SMARCAL1: variants seen among roughly 807,000 people sequenced by gnomAD.
The protein encoded by SMARCAL1 is ATP-driven annealing helicase.
SMARCAL1 carries 58 observed loss-of-function variants against 94.5 expected under a neutral mutation model. The ratio of observed to expected loss-of-function variants is 0.61; its 90% CI spans 0.50 to 0.76. The LOEUF is 0.76. Ranked by LOEUF, SMARCAL1 falls within the 30% of genes least tolerant of loss-of-function variation. The pLI, the probability that SMARCAL1 is intolerant of heterozygous loss-of-function variation, is 0.00. For synonymous variants in SMARCAL1, 422 were observed against 455.1 expected (o/e 0.93, Z 0.93); for missense variants, 1,051 against 1,177.9 (o/e 0.89, Z 1.58).
chr2:216,475,345 C>T lies in SMARCAL1; in HGVS notation c.2321C>T (p.Ser774Leu), dbSNP rs149425324. 3.5e-5 allele frequency: 57 copies of T among 1,614,070 alleles called. No individual in the cohort carries two copies. The highest frequency in any genetic ancestry group is 4.3e-5 in the Non-Finnish European group (51 of 1,180,036). ...REDLCQQFQL[S>L]ERHAVAVLSI... is the part of the protein sequence containing the mutation. ...GACCTGTGCCAGCAGTTCCAACTGT[C>T]GGAGAGGCATGCTGTGGCCGTGCTG... Residue 774 changes from serine to leucine, a missense_variant, in exon 15 of 18, where the codon TCG becomes TTG. Transcript: ENST00000357276. The surrounding 1 kb of genome is among the most constrained non-coding windows in gnomAD (Gnocchi z 4.4).
intron 3 of SMARCAL1, among the ~76,000 whole-genome samples, chr2:216,415,768 G>C (rs1179069810): frequency 1.7e-4 from 26 of 152,136 alleles, no homozygotes; most frequent in Non-Finnish European, 1.5e-5. Flanking sequence ...TCCTCTGCCA[G>C]GTGCTTTATA....
Position 216,434,928 on chromosome 2 carries a change from G to A in SMARCAL1, c.1486-410G>A, listed in dbSNP as rs991095233. ...GGCCGGAGTGCAATGGCGCGATCTC[G>A]TCTCACCACAACCTCCACTTCCCGG... On this transcript the variant is annotated intron_variant, in intron 8 of 17. Coordinates refer to ENST00000357276, the MANE Select transcript of SMARCAL1 (RefSeq NM_014140.4). Among the ~76,000 whole-genome samples the A allele has an allele frequency of 6.9e-5, 10 of 144,876 alleles. 1 individual carries two copies. Among genetic ancestry groups the A allele is most frequent in the South Asian group, 6.4e-4 (3 of 4,666 alleles).
At chr2:216,421,359 G>A (rs1559123061) in intron 5 of SMARCAL1, among the ~76,000 whole-genome samples, 4 of 152,136 alleles carry the variant, frequency 2.6e-5, no homozygotes, top group African/African-American at 7.2e-5. Flanking sequence ...GTGCAGTGGC[G>A]CAATCTTGGC....
chr2:216,414,614 T>C (rs762151277), intron 2 of SMARCAL1, 33 bp from the exon 3 acceptor site: 175 of 1,090,324 alleles, frequency 1.6e-4, no homozygotes, highest in Non-Finnish European at 2.2e-4. Flanking sequence ...ATACATGTAA[T>C]GTTCATTTCA....
At chr2:216,441,905 T>TAA (rs1694205184) in intron 10 of SMARCAL1, among the ~76,000 whole-genome samples, 1 of 152,192 alleles carries the variant, frequency 6.6e-6, no homozygotes, top group Non-Finnish European at 1.5e-5. Flanking sequence ...TACACTGGCT[T>TAA]TTATTGTTAA....
chr2:216,456,743 C>A (rs1290670314), intron 12 of SMARCAL1, among the ~76,000 whole-genome samples: 1 of 152,172 alleles, frequency 6.6e-6, no homozygotes, highest in African/African-American at 2.4e-5. Flanking sequence ...CAAAAACATG[C>A]CAAATTGTAA....
intron 5 of SMARCAL1, among the ~76,000 whole-genome samples, chr2:216,422,373 TAAA>T (rs1008854602): frequency 2.0e-5 from 3 of 151,910 alleles, no homozygotes; most frequent in African/African-American, 7.3e-5. Flanking sequence ...ATCTCAAAAA[TAAA>T]AAAGGCAAAT....
rs544383701 is a variant in SMARCAL1, at chr2:216,432,577, C to T, written c.1335-141C>T. 1.8e-4 allele frequency: 172 copies of T among 935,986 alleles called. No homozygotes were observed. In the African/African-American group the frequency reaches 2.6e-3, roughly 14 times the overall value. 58.0% of individuals were successfully genotyped at this position (935,986 alleles called of 1,614,324 possible). On this transcript the variant is annotated intron_variant, in intron 7 of 17. Coordinates refer to ENST00000357276, the MANE Select transcript of SMARCAL1 (RefSeq NM_014140.4). ...CTATTTGGCCTATGTACCTTTCCTT[C>T]TGGGGAGCAAGTCTGGTGGTGGGCT...
At chr2:216,427,196 C>G (rs575276780) in intron 6 of SMARCAL1, 2 of 152,210 alleles carry the variant, frequency 1.3e-5, no homozygotes, top group African/African-American at 4.8e-5. Flanking sequence ...ACTCACGAAG[C>G]CGACAACACG....
intron 14 of SMARCAL1, among the ~76,000 whole-genome samples, chr2:216,469,279 CTTT>C (rs71054477): frequency 1.3e-3 from 136 of 102,958 alleles, no homozygotes; most frequent in African/African-American, 3.6e-3. Context: ...TTAGAGATTT[CTTT>C]TTTTTTTTTT....
chr2:216,475,352 G>A lies in SMARCAL1; in HGVS notation c.2328G>A (p.Arg776=). 6.2e-7 allele frequency: 1 copy of A among 1,614,212 alleles called. No individual in the cohort carries two copies. The highest frequency in any genetic ancestry group is 1.3e-5 in the African/African-American group (1 of 75,050). The change falls in exon 15 of 18, where the codon AGG becomes AGA. Residue 776 remains arginine (R), a synonymous_variant. Transcript: ENST00000357276. This position sits in a 1 kb window ranked among gnomAD's most constrained non-coding sequence, Gnocchi z 4.4. ...GCCAGCAGTTCCAACTGTCGGAGAG[G>A]CATGCTGTGGCCGTGCTGTCCATCA... ...DLCQQFQLSE[R]HAVAVLSITA...
At chr2:216,426,804 G>A (rs777920453) in intron 6 of SMARCAL1, among the ~76,000 whole-genome samples, 20 of 152,194 alleles carry the variant, frequency 1.3e-4, no homozygotes, top group Non-Finnish European at 2.2e-4. Context: ...TGGGGAATGC[G>A]CACCTCCTTC....
intron 17 of SMARCAL1, among the ~76,000 whole-genome samples, chr2:216,480,215 CAATT>C (rs1323441516): frequency 1.3e-5 from 2 of 152,020 alleles, no homozygotes; most frequent in African/African-American, 4.8e-5. Flanking sequence ...ATAACTATAT[CAATT>C]TATTTTTTAA....
At chr2:216,414,626 T>G in intron 2 of SMARCAL1, 21 bp from the exon 3 acceptor site, 1 of 1,222,828 alleles carries the variant, frequency 8.2e-7, no homozygotes, top group Non-Finnish European at 1.2e-6. Context: ...TTCATTTCAT[T>G]CTTCTTACTT....
chr2:216,456,536 A>G (rs1382266022), intron 12 of SMARCAL1, among the ~76,000 whole-genome samples: 1 of 112,288 alleles, frequency 8.9e-6, no homozygotes, highest in East Asian at 2.7e-4. Flanking sequence ...GTGGGGGCCA[A>G]TATTCAACAT....
At chr2:216,439,329 G>C (rs868837066) in intron 10 of SMARCAL1, among the ~76,000 whole-genome samples, 4 of 152,080 alleles carry the variant, frequency 2.6e-5, no homozygotes, top group Non-Finnish European at 5.9e-5. Flanking sequence ...CATTATGGGG[G>C]GGGGGGATGA....
At position 216,414,685 on chromosome 2, in the gene SMARCAL1, AT is replaced by A. The variant is rs750138809; in HGVS notation, c.-19del. ...TCCAATTAAAGGTTGACATTCCTGC[AT>A]AAGCATTTCTCTGTGAAAATGTCCT... On this transcript the variant is annotated 5_prime_UTR_variant, in exon 3 of 18. It removes the in-frame stop codon of an upstream open reading frame in the 5' UTR. Coordinates refer to ENST00000357276, the MANE Select transcript of SMARCAL1 (RefSeq NM_014140.4). 1 of 1,608,892 alleles carries A rather than the reference AT, an allele frequency of 6.2e-7. No individual in the cohort carries two copies. Among genetic ancestry groups the A allele is most frequent in the East Asian group, 2.2e-5 (1 of 44,856 alleles).
At chr2:216,473,758 C>G (rs979991997) in intron 14 of SMARCAL1, among the ~76,000 whole-genome samples, 1 of 152,038 alleles carries the variant, frequency 6.6e-6, no homozygotes, top group Admixed American at 6.6e-5. Context: ...TTATCACTAG[C>G]AAGAATAAAT....
intron 14 of SMARCAL1, among the ~76,000 whole-genome samples, chr2:216,474,711 G>A (rs1695035091): frequency 6.6e-6 from 1 of 151,910 alleles, no homozygotes; most frequent in Non-Finnish European, 1.5e-5. Flanking sequence ...AGCCAAGATC[G>A]TGCCACTGCA....
Sources: allele counts gnomAD v4.1 joint callset (sites outside exome capture counted in the v4.1 genomes callset), GRCh38; gene constraint gnomAD v4.1.1; non-coding constraint Gnocchi (gnomAD v3.1); transcripts MANE v1.5; gene names NCBI Gene and HGNC (gene_info 2026-07-23, HGNC 2026-07-21).